The following MED1 variants were observed in gnomAD, a reference collection of about 807,000 sequenced individuals.
The protein encoded by MED1 is mediator of RNA polymerase II transcription subunit 1.
MED1 carries 17 observed loss-of-function variants against 121.3 expected under a neutral mutation model. That is an observed-to-expected ratio of 0.14 (90% CI 0.10 to 0.21). MED1 has a LOEUF of 0.21. Ranked by LOEUF, MED1 falls within the 10% of genes least tolerant of loss-of-function variation. The probability of loss-of-function intolerance (pLI) is 1.00; values close to 1 mark genes in which losing one functional copy is unlikely to be tolerated. For synonymous variants in MED1, 661 were observed against 694.4 expected (o/e 0.95, Z 0.76); for missense variants, 1,558 against 1,919.4 (o/e 0.81, Z 3.52).
intron 16 of MED1, among the ~76,000 whole-genome samples, chr17:39,411,102 T>C (rs957397461): frequency 1.3e-5 from 2 of 149,444 alleles, no homozygotes; most frequent in African/African-American, 5.0e-5. Context: ...GGCTGGAACA[T>C]GAGGTCAGGA....
chr17:39,415,989 C>CA (rs78988735), intron 14 of MED1, among the ~76,000 whole-genome samples: 4,587 of 96,264 alleles, frequency 0.048, 111 homozygotes, highest in African/African-American at 0.089. Context: ...CACTCTGTCT[C>CA]AAAAAAAAAA....
At chr17:39,429,651 G>A (rs963181173) in intron 9 of MED1, among the ~76,000 whole-genome samples, 45 of 139,372 alleles carry the variant, frequency 3.2e-4, no homozygotes, top group African/African-American at 9.8e-4. Flanking sequence ...AGCCAAGATC[G>A]CGCCACTGCA....
At chr17:39,414,634 CTTTTTTTTTTTTTTTTTTTTT>C (rs55829399) in intron 16 of MED1, among the ~76,000 whole-genome samples, 3,907 of 61,564 alleles carry the variant, frequency 0.063, 252 homozygotes, top group African/African-American at 0.18. Flanking sequence ...CAGGCCCGGC[CTTTTTTTTTTTTTTTTTTTTT>C]TTTTTTTTTT....
chr17:39,405,779 G>T lies in MED1; in HGVS notation c.*1696C>A. 1.0e-6 allele frequency: 1 copy of T among 986,376 alleles called. No individual in the cohort carries two copies. The highest frequency in any genetic ancestry group is 1.2e-6 in the Non-Finnish European group (1 of 830,526). 61.1% of individuals were successfully genotyped at this position (986,376 alleles called of 1,614,324 possible). A position where few individuals can be genotyped will look rare whatever the true frequency, so the allele number is the denominator to read the frequency against. ...GAGAACACTAGAGGAAATGAGACAG[G>T]AAAGAAAGCCAAAGCTGATTTTCCA... On this transcript the variant is annotated 3_prime_UTR_variant, in exon 17 of 17. Coordinates refer to ENST00000300651, the MANE Select transcript of MED1 (RefSeq NM_004774.4).
chr17:39,438,288 A>G (rs942086727), intron 6 of MED1, among the ~76,000 whole-genome samples: 1 of 148,408 alleles, frequency 6.7e-6, no homozygotes, highest in African/African-American at 2.5e-5. Flanking sequence ...TTTCTGCCTC[A>G]GCCTCCCGAG....
chr17:39,409,442 C>T lies in MED1; in HGVS notation c.2779G>A (p.Asp927Asn). 1.2e-6 allele frequency: 2 copies of T among 1,614,148 alleles called. No homozygotes were observed. The highest frequency in any genetic ancestry group is 2.2e-5 in the East Asian group (1 of 44,886). Residue 927 changes from aspartate to asparagine, a missense_variant, in exon 17 of 17, where the codon GAC (aspartate) becomes AAC (asparagine). This residue lies in a region of MED1 where 793 missense variants were observed against 898.2 expected (regional missense o/e 0.88). Coordinates refer to ENST00000300651, the MANE Select transcript of MED1 (RefSeq NM_004774.4). ...ETKFKGNNQA[D>N]TVDFSIISVA... ...GAAATAATACTGAAATCAACTGTGT[C>T]GGCTTGGTTATTGCCCTTAAACTTG...
At chr17:39,416,277 C>A (rs1321911434) in intron 14 of MED1, among the ~76,000 whole-genome samples, 3 of 152,174 alleles carry the variant, frequency 2.0e-5, no homozygotes, top group Non-Finnish European at 4.4e-5. Context: ...TCTCATTCTA[C>A]TTGATAAGCA....
intron 9 of MED1, among the ~76,000 whole-genome samples, chr17:39,429,657 C>T (rs1423378950): frequency 2.9e-5 from 4 of 135,886 alleles, no homozygotes; most frequent in Non-Finnish European, 6.1e-5. Flanking sequence ...GATCGCGCCA[C>T]TGCACTCCAG....
chr17:39,427,483 A>G, intron 10 of MED1: 1 of 307,540 alleles, frequency 3.3e-6, no homozygotes, highest in Non-Finnish European at 6.0e-6. Flanking sequence ...CCCAGCCCAA[A>G]AGTACTTATT....
intron 14 of MED1, among the ~76,000 whole-genome samples, chr17:39,417,135 G>A (rs1250978156): frequency 6.6e-6 from 1 of 151,900 alleles, no homozygotes; most frequent in Non-Finnish European, 1.5e-5. Context: ...TTCAAAACCA[G>A]CCTGGCCAAC....
At position 39,410,297 on chromosome 17, in the gene MED1, G is replaced by A. The variant is rs2048344316; in HGVS notation, c.1924C>T (p.His642Tyr). ...TTAAGAAGGTTCATGAGCATCGGGT[G>A]GTTCTTGGTGTTGCCGGCCATCGAA... The part of the protein sequence containing the change: ...VSSMAGNTKN[H>Y]PMLMNLLKDN... Residue 642 changes from histidine (H) to tyrosine (Y), a missense_variant, in exon 17 of 17, where the codon CAC becomes TAC. By Grantham distance (83) the His-to-Tyr change is moderately conservative (BLOSUM62 2). Transcript: ENST00000300651. 6.2e-7 allele frequency: 1 copy of A among 1,614,016 alleles called. No homozygotes were observed.
chr17:39,414,217 C>G (rs2048384709), intron 16 of MED1, among the ~76,000 whole-genome samples: 2 of 150,904 alleles, frequency 1.3e-5, no homozygotes, highest in Non-Finnish European at 2.9e-5. Context: ...GAGCAAGACT[C>G]CATCTCAAAA....
rs1225815592 is a variant in MED1, at chr17:39,449,230, C to T, written c.26-1326G>A. Among the ~76,000 whole-genome samples the T allele has an allele frequency of 2.0e-5, 3 of 152,092 alleles. No homozygotes were observed. The East Asian group carries it at 5.8e-4, about 29-fold the overall frequency. ...GGGTCTCGCTCTGTCGCCCAGGTTA[C>T]AGTGCAGTGGCATGATTCTGGCTCA... is the stretch of plus-strand genomic sequence containing the variant. On this transcript the variant is annotated intron_variant, in intron 1 of 16. Coordinates refer to ENST00000300651, the MANE Select transcript of MED1 (RefSeq NM_004774.4).
Position 39,406,679 on chromosome 17 carries a change from A to G in MED1, c.*796T>C. 1 of 984,834 alleles carries G rather than the reference A, an allele frequency of 1.0e-6. No homozygotes were observed. The highest frequency in any genetic ancestry group is 4.7e-5 in the South Asian group (1 of 21,262). 61.0% of individuals were successfully genotyped at this position (984,834 alleles called of 1,614,324 possible). ...TAAACCCTCCTAAAATAAAAATATC[A>G]TTTTGGTTTTTCTATTATATTTAAC... On this transcript the variant is annotated 3_prime_UTR_variant, in exon 17 of 17. Coordinates refer to ENST00000300651, the MANE Select transcript of MED1 (RefSeq NM_004774.4).
rs72825190 is a variant in MED1, at chr17:39,444,132, T to C, written c.133-504A>G. Among the ~76,000 whole-genome samples, 1,433 of 152,216 alleles carry C rather than the reference T, an allele frequency of 9.4e-3. 9 individuals are homozygous for C. Among genetic ancestry groups the C allele is most frequent in the Non-Finnish European group, 0.016 (1,084 of 68,008 alleles). On this transcript the variant is annotated intron_variant, in intron 2 of 16. Coordinates refer to ENST00000300651, the MANE Select transcript of MED1 (RefSeq NM_004774.4). ...AAATAAGATGGCTCAGGAGATTTGG[T>C]AGTGTACAAATTTAACAAGGTGATT...
Position 39,409,493 on chromosome 17 carries a change from T to C in MED1, c.2728A>G (p.Met910Val), listed in dbSNP as rs372927419. The change falls in exon 17 of 17, where the codon ATG becomes GTG. Residue 910 changes from methionine (M) to valine (V), a missense_variant. Physicochemically the swap from Met to Val is conservative, Grantham distance 21 (BLOSUM62 1). Transcript: ENST00000300651. The stretch of plus-strand genomic sequence containing the variant: ...GTCTCCCCATTATCACCTCCAAGCA[T>C]TGGCACCCCCAAAGTATTTAGTGCC... ...SQALNTLGVP[M>V]LGGDNGETKF... 113 of 1,614,152 alleles carry C rather than the reference T, an allele frequency of 7.0e-5. No homozygotes were observed. Among genetic ancestry groups the C allele is most frequent in the African/African-American group, 3.9e-4 (29 of 75,024 alleles).
At chr17:39,443,523 C>A (rs2048698759) in intron 3 of MED1, 27 bp downstream of exon 3, 2 of 1,584,672 alleles carry the variant, frequency 1.3e-6, no homozygotes, top group African/African-American at 1.3e-5. Context: ...TTTGTGAAAT[C>A]AGCATATTTC....
In MED1 at chr17:39,440,014, GA is replaced by G. The variant is rs1480058138; in HGVS notation, c.399+371del. Among the ~76,000 whole-genome samples the G allele has an allele frequency of 4.1e-4, 52 of 127,408 alleles. No homozygotes were observed. Among genetic ancestry groups the G allele is most frequent in the Non-Finnish European group, 7.1e-4 (41 of 57,754 alleles). 83.6% of individuals were successfully genotyped at this position (127,408 alleles called of 152,430 possible). On this transcript the variant is annotated intron_variant, in intron 5 of 16. Coordinates refer to ENST00000300651, the MANE Select transcript of MED1 (RefSeq NM_004774.4). The surrounding 1 kb of genome is among the most constrained non-coding windows in gnomAD (Gnocchi z 4.1). The stretch of plus-strand genomic sequence containing the variant: ...GGAAGGAAGGAAGGAAGGAAGGAAG[GA>G]AGGAAAGAAAGAAAGAAAGAGAGAA...
chr17:39,407,310 G>A lies in MED1; in HGVS notation c.*165C>T, dbSNP rs2048311345. The A allele has an allele frequency of 1.5e-6, 2 of 1,372,144 alleles. No individual in the cohort carries two copies. The highest frequency in any genetic ancestry group is 1.9e-6 in the Non-Finnish European group (2 of 1,068,052). The allele number at this position is 1,372,144 out of a possible 1,614,324, so 85.0% of individuals were successfully genotyped here. ...CAAACCCTGTGGTTTCTTTAATAGG[G>A]TCTGGATATGCCTTTCTAATTCACC... On this transcript the variant is annotated 3_prime_UTR_variant, in exon 17 of 17. Transcript: ENST00000300651.
Sources: allele counts gnomAD v4.1 joint callset (sites outside exome capture counted in the v4.1 genomes callset), GRCh38; gene constraint gnomAD v4.1.1; regional missense constraint gnomAD v4.1.1; non-coding constraint Gnocchi (gnomAD v3.1); transcripts MANE v1.5; gene names NCBI Gene and HGNC (gene_info 2026-07-23, HGNC 2026-07-21).